The following HECW2 variants were observed in gnomAD, a reference collection of about 807,000 sequenced individuals.
HECW2 encodes HECT, C2 and WW domain containing E3 ubiquitin protein ligase 2.
In HECW2, 61 loss-of-function variants were observed where a neutral mutation model predicts 175.2. The observed-to-expected ratio is 0.35, with a 90% CI of 0.28 to 0.43. HECW2 has a LOEUF of 0.43. HECW2 is among the 20% of genes least tolerant of loss of function. The pLI is 1.00. For missense variants in HECW2, 1,524 were observed against 2,000.5 expected (o/e 0.76, Z 4.54); for synonymous variants, 671 against 731.0 (o/e 0.92, Z 1.32).
intron 1 of HECW2, among the ~76,000 whole-genome samples, chr2:196,580,011 C>CA (rs1327218783): frequency 4.0e-5 from 6 of 151,434 alleles, no homozygotes; most frequent in Admixed American, 1.3e-4. Flanking sequence ...TAACAGCAAC[C>CA]AAAAAAAGAG....
At chr2:196,563,151 A>T (rs1030981570) in intron 1 of HECW2, among the ~76,000 whole-genome samples, 1 of 152,254 alleles carries the variant, frequency 6.6e-6, no homozygotes, top group Non-Finnish European at 1.5e-5. Flanking sequence ...TGAAACTATA[A>T]GAAGAACTTT....
Position 196,319,335 on chromosome 2 carries a change from A to G in HECW2, c.1555T>C (p.Ser519Pro). Residue 519 changes from serine to proline, a missense_variant, in exon 9 of 29, where the codon TCC (serine) becomes CCC (proline). By Grantham distance (74) the Ser-to-Pro change is moderately conservative. This residue lies in a region of HECW2 where 604 missense variants were observed against 588.3 expected (regional missense o/e 1.03). Transcript: ENST00000644978. ...EDNPVENEEA[S>P]THEAASFEDK... ...TCAAAGGAAGCAGCTTCGTGTGTGG[A>G]GGCTTCCTCATTCTCAACAGGGTTG... 2 of 1,614,092 alleles carry G rather than the reference A, an allele frequency of 1.2e-6. No individual in the cohort carries two copies. Among genetic ancestry groups the G allele is most frequent in the Non-Finnish European group, 1.7e-6 (2 of 1,180,010 alleles).
At chr2:196,370,995 T>C (rs1693893128) in intron 2 of HECW2, among the ~76,000 whole-genome samples, 1 of 152,234 alleles carries the variant, frequency 6.6e-6, no homozygotes, top group Non-Finnish European at 1.5e-5. Context: ...ATACTGTGAT[T>C]GCTCATCTGA....
intron 5 of HECW2, among the ~76,000 whole-genome samples, chr2:196,329,137 A>G (rs1692262487): frequency 6.6e-6 from 1 of 152,170 alleles, no homozygotes; most frequent in South Asian, 2.1e-4. Flanking sequence ...TAATCAGAAA[A>G]CAAGCCAAAA....
At chr2:196,477,120 G>A (rs946725595) in intron 1 of HECW2, among the ~76,000 whole-genome samples, 3 of 150,334 alleles carry the variant, frequency 2.0e-5, no homozygotes, top group Admixed American at 6.6e-5. Flanking sequence ...TCCTGTGTAG[G>A]TGAGGTTTTT....
intron 1 of HECW2, among the ~76,000 whole-genome samples, chr2:196,533,881 C>A (rs1688928064): frequency 6.6e-6 from 1 of 152,174 alleles, no homozygotes; most frequent in South Asian, 2.1e-4. Context: ...ATAATACTAG[C>A]TTTCTGGAAA....
At chr2:196,267,404 ATCT>A (rs929048125) in intron 17 of HECW2, among the ~76,000 whole-genome samples, 2 of 152,286 alleles carry the variant, frequency 1.3e-5, no homozygotes, top group East Asian at 1.9e-4. Context: ...GCATACAAAC[ATCT>A]TCTTTCAGTG....
chr2:196,467,125 G>A (rs929880687), intron 1 of HECW2, among the ~76,000 whole-genome samples: 7 of 152,134 alleles, frequency 4.6e-5, no homozygotes, highest in African/African-American at 1.7e-4. Context: ...AATGGTTTAG[G>A]ATAAATTTCA....
chr2:196,584,714 T>A (rs1257978256), intron 1 of HECW2, among the ~76,000 whole-genome samples: 2 of 152,198 alleles, frequency 1.3e-5, no homozygotes, highest in African/African-American at 4.8e-5. Context: ...TTTGTTACTC[T>A]TCCCTGAACC....
At chr2:196,377,116 G>A (rs1350961499) in intron 2 of HECW2, among the ~76,000 whole-genome samples, 2 of 152,154 alleles carry the variant, frequency 1.3e-5, no homozygotes, top group African/African-American at 4.8e-5. Flanking sequence ...AAACCAGGTT[G>A]GCCAAAGCTA....
chr2:196,588,274 C>G (rs996997072), intron 1 of HECW2, among the ~76,000 whole-genome samples: 1 of 152,080 alleles, frequency 6.6e-6, no homozygotes, highest in African/African-American at 2.4e-5. Flanking sequence ...GATACTAACC[C>G]GCAGATGGAG....
intron 3 of HECW2, among the ~76,000 whole-genome samples, chr2:196,338,351 C>T (rs1486057845): frequency 1.3e-5 from 2 of 152,162 alleles, no homozygotes; most frequent in Admixed American, 6.5e-5. Context: ...GTAGTGGTTG[C>T]CTTCAGGGTG....
At chr2:196,297,359 T>C (rs1041950195) in intron 13 of HECW2, among the ~76,000 whole-genome samples, 2 of 152,234 alleles carry the variant, frequency 1.3e-5, no homozygotes, top group African/African-American at 4.8e-5. Flanking sequence ...AGTGGAGTTT[T>C]GTTAAATAAC....
rs540953505 is a variant in HECW2, at chr2:196,250,432, C to T, written c.3529+3488G>A. Among the ~76,000 whole-genome samples the T allele has an allele frequency of 2.0e-5, 3 of 152,276 alleles. No homozygotes were observed. The South Asian group carries it at 6.2e-4, about 32-fold the overall frequency. On this transcript the variant is annotated intron_variant, in intron 19 of 28. Coordinates refer to ENST00000644978, the MANE Select transcript of HECW2 (RefSeq NM_001348768.2). Reference sequence around the variant, plus strand: ...ACCTTTATTGGCTACTTGTTATGTTCCAAGCACCAAGCAAAGTGTTCTCCA... The same window carrying T: ...ACCTTTATTGGCTACTTGTTATGTTTCAAGCACCAAGCAAAGTGTTCTCCA...
intron 1 of HECW2, among the ~76,000 whole-genome samples, chr2:196,544,555 A>C (rs1183678225): frequency 1.3e-5 from 2 of 152,124 alleles, no homozygotes; most frequent in Non-Finnish European, 2.9e-5. Context: ...TCACAATTCC[A>C]CAGGTACCAC....
At chr2:196,582,955 C>A (rs141108002) in intron 1 of HECW2, among the ~76,000 whole-genome samples, 72 of 152,292 alleles carry the variant, frequency 4.7e-4, no homozygotes, top group African/African-American at 1.3e-3. Flanking sequence ...TCTCCATGAT[C>A]CTCACCACTC....
intron 1 of HECW2, among the ~76,000 whole-genome samples, chr2:196,496,666 C>A (rs1419212446): frequency 6.6e-6 from 1 of 152,056 alleles, no homozygotes; most frequent in Non-Finnish European, 1.5e-5. Context: ...TTCCAAGCAG[C>A]TTATGTTGCT....
chr2:196,420,661 A>G (rs548151536), intron 2 of HECW2, among the ~76,000 whole-genome samples: 2 of 152,334 alleles, frequency 1.3e-5, no homozygotes, highest in Admixed American at 1.3e-4. Flanking sequence ...TTATTTTATA[A>G]TGCAACATTT....
intron 2 of HECW2, among the ~76,000 whole-genome samples, chr2:196,418,171 C>CA (rs1185959377): frequency 6.6e-6 from 1 of 151,850 alleles, no homozygotes; most frequent in African/African-American, 2.4e-5. Flanking sequence ...CTCTGTTGCC[C>CA]AGGCTGGAGT....
Sources: allele counts gnomAD v4.1 joint callset (sites outside exome capture counted in the v4.1 genomes callset), GRCh38; gene constraint gnomAD v4.1.1; regional missense constraint gnomAD v4.1.1; transcripts MANE v1.5; gene names NCBI Gene and HGNC (gene_info 2026-07-23, HGNC 2026-07-21).